DMD: variants seen among roughly 807,000 people sequenced by gnomAD.
DMD encodes mutant dystrophin.
DMD carries 63 observed loss-of-function variants against 330.1 expected under a neutral mutation model. The ratio of observed to expected loss-of-function variants is 0.19; its 90% CI spans 0.16 to 0.24. DMD has a LOEUF of 0.24. Ranked by LOEUF, DMD falls within the 10% of genes least tolerant of loss-of-function variation. DMD has a pLI of 1.00. For synonymous variants in DMD, 1,223 were observed against 959.8 expected (o/e 1.27, Z -5.07); for missense variants, 3,344 against 2,684.1 (o/e 1.25, Z -5.43).
chrX:33,327,859 C>T (rs1400070250), intron 1 of DMD, among the ~76,000 whole-genome samples: 1 of 111,828 alleles, frequency 8.9e-6, no homozygotes, highest in Non-Finnish European at 1.9e-5. Context: ...GATCTATAAA[C>T]TAGGCATAAT....
chrX:31,412,570 T>C, intron 60 of DMD, among the ~76,000 whole-genome samples: 1 of 111,705 alleles, frequency 9.0e-6, no homozygotes, highest in Non-Finnish European at 1.9e-5. Context: ...CTCAGATGTG[T>C]TGGCTGGAGC....
In DMD at chrX:32,554,921, GAAAGAAAGAAAGAAAGAA is replaced by G. The variant is rs1396223262; in HGVS notation, c.1993-9605_1993-9588del. On this transcript the variant is annotated intron_variant, in intron 16 of 78. Coordinates refer to ENST00000357033, the MANE Select transcript of DMD (RefSeq NM_004006.3). ...AGAAAGAAAGAAAGAAAGAAAGAAA[GAAAGAAAGAAAGAAAGAA>G]AGAGAGAGAGAGGGAGAGAGAAAGA... Among the ~76,000 whole-genome samples the G allele has an allele frequency of 9.8e-4, 26 of 26,590 alleles. 1 individual carries two copies. Among genetic ancestry groups the G allele is most frequent in the Admixed American group, 5.2e-3 (10 of 1,925 alleles). 23.1% of individuals were successfully genotyped at this position (26,590 alleles called of 115,157 possible). A position where few individuals can be genotyped will look rare whatever the true frequency, so the allele number is the denominator to read the frequency against.
chrX:33,061,251 C>G (rs757080459), intron 1 of DMD, among the ~76,000 whole-genome samples: 1 of 112,421 alleles, frequency 8.9e-6, no homozygotes, highest in African/African-American at 3.2e-5. Context: ...TTATTTTGCT[C>G]AGGGACACTT....
intron 44 of DMD, among the ~76,000 whole-genome samples, chrX:32,133,147 T>A (rs968243975): frequency 9.2e-6 from 1 of 109,248 alleles, no homozygotes; most frequent in Non-Finnish European, 1.9e-5. Flanking sequence ...CAGCTGGGAC[T>A]ACAGGTGTGT....
intron 40 of DMD, chrX:32,342,484 T>G: frequency 2.4e-6 from 1 of 419,897 alleles, no homozygotes; most frequent in Non-Finnish European, 4.1e-6. Flanking sequence ...GAATGCTTGG[T>G]TTTAGATATT....
chrX:31,311,535 G>A (rs1376335574), intron 62 of DMD, among the ~76,000 whole-genome samples: 1 of 111,817 alleles, frequency 8.9e-6, no homozygotes, highest in African/African-American at 3.3e-5. Flanking sequence ...GTACCATGCT[G>A]TTTTGGTTAC....
intron 44 of DMD, among the ~76,000 whole-genome samples, chrX:32,076,677 C>T (rs1021446042): frequency 8.9e-6 from 1 of 111,754 alleles, no homozygotes; most frequent in African/African-American, 3.3e-5. Context: ...CCCTGCCCGG[C>T]CCATAAGATT....
chrX:32,082,370 A>AG (rs1461109571), intron 44 of DMD, among the ~76,000 whole-genome samples: 1 of 107,596 alleles, frequency 9.3e-6, no homozygotes, highest in African/African-American at 3.4e-5. Flanking sequence ...CTGGGGCTAC[A>AG]GGGGCACACT....
intron 61 of DMD, among the ~76,000 whole-genome samples, chrX:31,329,367 A>G (rs753001535): frequency 2.7e-5 from 3 of 111,834 alleles, no homozygotes; most frequent in South Asian, 3.8e-4. Context: ...CAGCATTAAA[A>G]AAAAGAAGGT....
chrX:31,922,525 T>TGTGTGTGTGC (rs773093542), intron 47 of DMD, among the ~76,000 whole-genome samples: 94 of 106,395 alleles, frequency 8.8e-4, no homozygotes, highest in African/African-American at 1.9e-3. Flanking sequence ...TGTGTGTGTG[T>TGTGTGTGTGC]GCGCGCGCGT....
chrX:32,228,073 C>A (rs2097154723), intron 43 of DMD, among the ~76,000 whole-genome samples: 1 of 111,480 alleles, frequency 9.0e-6, no homozygotes. Flanking sequence ...TAATTAAGCA[C>A]TCTATTTTGG....
chrX:32,538,371 C>A (rs1197817548), intron 17 of DMD, among the ~76,000 whole-genome samples: 1 of 111,253 alleles, frequency 9.0e-6, no homozygotes, highest in Non-Finnish European at 1.9e-5. Context: ...CAAAACCTCC[C>A]CCACTGAGCA....
intron 17 of DMD, among the ~76,000 whole-genome samples, chrX:32,538,649 C>A: frequency 9.0e-6 from 1 of 111,252 alleles, no homozygotes; most frequent in Non-Finnish European, 1.9e-5. Flanking sequence ...CTGTAAATGA[C>A]AAGACACTCC....
intron 2 of DMD, among the ~76,000 whole-genome samples, chrX:32,982,059 C>T (rs750308575): frequency 4.9e-4 from 55 of 111,584 alleles, no homozygotes; most frequent in South Asian, 2.6e-3. Context: ...ACTGTATTCC[C>T]TCTTACTGGA....
intron 2 of DMD, among the ~76,000 whole-genome samples, chrX:32,863,274 T>C (rs888227344): frequency 1.8e-5 from 2 of 109,475 alleles, no homozygotes; most frequent in Non-Finnish European, 3.8e-5. Flanking sequence ...CCCAGTACTT[T>C]GGGAGGCCGA....
chrX:32,445,544 T>C (rs960007827), intron 27 of DMD, among the ~76,000 whole-genome samples: 11 of 110,538 alleles, frequency 1.0e-4, no homozygotes, highest in African/African-American at 3.6e-4. Context: ...TATTTAAATT[T>C]AAATTAGAGT....
At chrX:31,840,066 G>T (rs2093284553) in intron 48 of DMD, among the ~76,000 whole-genome samples, 1 of 111,243 alleles carries the variant, frequency 9.0e-6, no homozygotes. Context: ...AGCATAGGAA[G>T]TCAATATTCT....
chrX:33,147,270 CAG>C lies in DMD; in HGVS notation c.31+64010_31+64011del, dbSNP rs976383218. On this transcript the variant is annotated intron_variant, in intron 1 of 78. Transcript: ENST00000357033. ...CTCAAATACAGAACTTCTAATAAAA[CAG>C]AGTTATTTTAAATGTATAGGGGGAT... 9.0e-5 allele frequency among the ~76,000 whole-genome samples: 10 copies of C among 111,139 alleles called. No homozygotes were observed. In the East Asian group the frequency reaches 1.4e-3, roughly 16 times the overall value.
At chrX:32,252,785 T>A (rs1370943101) in intron 43 of DMD, among the ~76,000 whole-genome samples, 6 of 41,252 alleles carry the variant, frequency 1.5e-4, no homozygotes, top group Admixed American at 4.0e-4. Context: ...TATATATAAA[T>A]ATATATAAAT....
Sources: gnomAD v4.1 joint callset for allele counts (sites outside exome capture counted in the v4.1 genomes callset) on GRCh38, gnomAD v4.1.1 for gene constraint, MANE v1.5 for transcripts, NCBI Gene and HGNC (gene_info 2026-07-23, HGNC 2026-07-21) for gene names.